Variants in GALNT18 observed in about 807,000 individuals in gnomAD.
GALNT18 encodes GalNAc-transferase 18.
In GALNT18, 44 loss-of-function variants were observed where a neutral mutation model predicts 69.5. That is an observed-to-expected ratio of 0.63 (90% CI 0.50 to 0.81). The LOEUF is 0.81. GALNT18 is among the 40% of genes least tolerant of loss of function. The pLI, the probability that GALNT18 is intolerant of heterozygous loss-of-function variation, is 0.00. For missense variants in GALNT18, 715 were observed against 810.0 expected, an observed-to-expected ratio of 0.88 and a Z score of 1.42; for synonymous variants, 364 against 318.2, an observed-to-expected ratio of 1.14 and a Z score of -1.53.
chr11:11,458,418 T>C (rs903666860), intron 1 of GALNT18, among the ~76,000 whole-genome samples: 3 of 152,220 alleles, frequency 2.0e-5, no homozygotes, highest in Non-Finnish European at 1.5e-5. Context: ...AAACTTTTCT[T>C]CCACTCCTGC....
At chr11:11,333,422 T>C (rs2133049986) in intron 7 of GALNT18, among the ~76,000 whole-genome samples, 1 of 152,302 alleles carries the variant, frequency 6.6e-6, no homozygotes, top group Non-Finnish European at 1.5e-5. Context: ...TACATAATCC[T>C]CCTTTACGGA....
Position 11,396,732 on chromosome 11 carries a change from T to C in GALNT18, c.596-17468A>G. ...GGAAGAAGAACAGAGGTGAGAGCTCTGGATCTCTAATCTGCAGTTGATGCT... is the reference window on the plus strand; with the variant it reads ...GGAAGAAGAACAGAGGTGAGAGCTCCGGATCTCTAATCTGCAGTTGATGCT... On this transcript the variant is annotated intron_variant, in intron 3 of 10. Coordinates refer to ENST00000227756, the MANE Select transcript of GALNT18 (RefSeq NM_198516.3). This position sits in a 1 kb window ranked among gnomAD's most constrained non-coding sequence, Gnocchi z 5.2. 6.6e-6 allele frequency among the ~76,000 whole-genome samples: 1 copy of C among 152,150 alleles called. No homozygotes were observed.
rs1436326720 is a variant in GALNT18 at position 11,583,507 on chromosome 11, G to T, written c.235+37852C>A. On this transcript the variant is annotated intron_variant, in intron 1 of 10. Coordinates refer to ENST00000227756, the MANE Select transcript of GALNT18 (RefSeq NM_198516.3). The surrounding 1 kb of genome is among the most constrained non-coding windows in gnomAD (Gnocchi z 4.7). Reference sequence around the variant, plus strand: ...CTAGCTCTGTTTCTGGCTGGAAAGTGCACGAAAGCTGAGTTTAATCAATAA... The same window carrying T: ...CTAGCTCTGTTTCTGGCTGGAAAGTTCACGAAAGCTGAGTTTAATCAATAA... Among the ~76,000 whole-genome samples the T allele has an allele frequency of 1.3e-5, 2 of 152,170 alleles. No individual in the cohort carries two copies. The highest frequency in any genetic ancestry group is 2.9e-5 in the Non-Finnish European group (2 of 68,022).
In GALNT18 at chr11:11,396,644, T is replaced by C. The variant is rs1854336529; in HGVS notation, c.596-17380A>G. Among the ~76,000 whole-genome samples, 1 of 152,082 alleles carries C rather than the reference T, an allele frequency of 6.6e-6. No homozygotes were observed. Among genetic ancestry groups the C allele is most frequent in the African/African-American group, 2.4e-5 (1 of 41,416 alleles). ...ACTCCAGTCTGGGGCAATAGTGTGG[T>C]TGGGGGCAGTAGGGATTAACGCCAC... On this transcript the variant is annotated intron_variant, in intron 3 of 10. Coordinates refer to ENST00000227756, the MANE Select transcript of GALNT18 (RefSeq NM_198516.3). This position sits in a 1 kb window ranked among gnomAD's most constrained non-coding sequence, Gnocchi z 5.2.
rs1345062202 is a variant in GALNT18, at chr11:11,271,171, G to A, written c.1797C>T (p.Thr599=). ...AGGACGCGAGGCTCCTCAGGACGTTGGTGATGCTCCAGTGCTGGCCCGAGC... is the reference window on the plus strand; with the variant it reads ...AGGACGCGAGGCTCCTCAGGACGTTAGTGATGCTCCAGTGCTGGCCCGAGC... ...QKCSGQHWSI[T]NVLRSLAS is the part of the protein sequence containing the mutation. The change falls in exon 11 of 11, where the codon ACC becomes ACT. Residue 599 remains threonine (T), a synonymous_variant. Transcript: ENST00000227756. 1 of 1,613,730 alleles carries A rather than the reference G, an allele frequency of 6.2e-7. No individual in the cohort carries two copies. The highest frequency in any genetic ancestry group is 1.7e-5 in the Admixed American group (1 of 60,010).
chr11:11,507,767 C>T (rs2133908425), intron 1 of GALNT18, among the ~76,000 whole-genome samples: 1 of 152,306 alleles, frequency 6.6e-6, no homozygotes, highest in East Asian at 1.9e-4. Context: ...ACATTTGAGT[C>T]AGTGGACTGG....
intron 2 of GALNT18, among the ~76,000 whole-genome samples, chr11:11,447,686 G>A (rs1855689103): frequency 6.6e-6 from 1 of 152,164 alleles, no homozygotes; most frequent in Non-Finnish European, 1.5e-5. Context: ...AGCCAGCAGG[G>A]AAAATGCCAG....
At chr11:11,485,383 C>T (rs1367006586) in intron 1 of GALNT18, among the ~76,000 whole-genome samples, 1 of 152,138 alleles carries the variant, frequency 6.6e-6, no homozygotes, top group Non-Finnish European at 1.5e-5. Context: ...GCTAGGGTGG[C>T]TCACAGAACT....
chr11:11,308,054 C>A (rs1486578732), intron 9 of GALNT18, among the ~76,000 whole-genome samples: 5 of 152,198 alleles, frequency 3.3e-5, no homozygotes, highest in African/African-American at 1.2e-4. Flanking sequence ...CCTCCCAGTT[C>A]TCATGGAACT....
At chr11:11,473,380 AC>A in intron 1 of GALNT18, among the ~76,000 whole-genome samples, 1 of 152,342 alleles carries the variant, frequency 6.6e-6, no homozygotes, top group East Asian at 1.9e-4. Flanking sequence ...TCTCATTCAA[AC>A]ATTCGAAATG....
intron 3 of GALNT18, among the ~76,000 whole-genome samples, chr11:11,429,249 C>T (rs941203003): frequency 2.0e-5 from 3 of 152,076 alleles, no homozygotes; most frequent in African/African-American, 7.2e-5. Flanking sequence ...TCTCTCTGCC[C>T]ACGGAGACTG....
rs756988569 is a variant in GALNT18, at chr11:11,538,263, G to A, written c.235+83096C>T. On this transcript the variant is annotated intron_variant, in intron 1 of 10. Coordinates refer to ENST00000227756, the MANE Select transcript of GALNT18 (RefSeq NM_198516.3). This position sits in a 1 kb window ranked among gnomAD's most constrained non-coding sequence, Gnocchi z 5.2. The stretch of plus-strand genomic sequence containing the variant: ...TCAAGGTCAGTGTTGCGAACAGCCC[G>A]CCCTGCCACCACCATCCCCAGGGCT... Among the ~76,000 whole-genome samples the A allele has an allele frequency of 1.2e-4, 18 of 152,156 alleles. No homozygotes were observed. The highest frequency in any genetic ancestry group is 2.6e-4 in the Non-Finnish European group (18 of 68,028).
At chr11:11,393,928 G>C (rs1336928865) in intron 3 of GALNT18, among the ~76,000 whole-genome samples, 1 of 152,202 alleles carries the variant, frequency 6.6e-6, no homozygotes, top group Non-Finnish European at 1.5e-5. Flanking sequence ...TCCTGTTTGT[G>C]TTCCTTTCAT....
At position 11,465,442 on chromosome 11, in the gene GALNT18, C is replaced by T. The variant is rs926168806; in HGVS notation, c.236-16506G>A. On this transcript the variant is annotated intron_variant, in intron 1 of 10. Coordinates refer to ENST00000227756, the MANE Select transcript of GALNT18 (RefSeq NM_198516.3). The surrounding 1 kb of genome is among the most constrained non-coding windows in gnomAD (Gnocchi z 5.7). ...TTGAGTGCTGCTCCTCCAGGCTGCA[C>T]GGACGGTGTCACGCTGCCCTCTGAT... Among the ~76,000 whole-genome samples the T allele has an allele frequency of 4.6e-5, 7 of 152,132 alleles. No individual in the cohort carries two copies. The highest frequency in any genetic ancestry group is 2.1e-4 in the South Asian group (1 of 4,826).
intron 1 of GALNT18, among the ~76,000 whole-genome samples, chr11:11,498,384 TG>T (rs1212793289): frequency 6.6e-6 from 1 of 152,126 alleles, no homozygotes; most frequent in Non-Finnish European, 1.5e-5. Context: ...GCAGAGGAAA[TG>T]GGGGCACTCA....
Position 11,621,458 on chromosome 11 carries a change from G to T in GALNT18, c.136C>A (p.Pro46Thr), listed in dbSNP as rs748134086. Residue 46 changes from proline to threonine, a missense_variant, in exon 1 of 11, where the codon CCG becomes ACG. Physicochemically the swap from Pro to Thr is conservative, Grantham distance 38 (BLOSUM62 -1). Transcript: ENST00000227756. This position sits in a 1 kb window ranked among gnomAD's most constrained non-coding sequence, Gnocchi z 9.3. ...TCCTCCAGCTTCTTGTCGGGCGCCG[G>T]CTCCTGCCCCCGCACATACACGCTG... ...IASVYVRGQE[P>T]APDKKLEEDK... 5.4e-5 allele frequency: 87 copies of T among 1,613,978 alleles called. No homozygotes were observed. Among genetic ancestry groups the T allele is most frequent in the Non-Finnish European group, 6.9e-5 (82 of 1,180,012 alleles).
rs564870380 is a variant in GALNT18 at position 11,290,227 on chromosome 11, C to T, written c.1677+2802G>A. On this transcript the variant is annotated intron_variant, in intron 10 of 10. Transcript: ENST00000227756. ...GCTAAGAGGAGACTTTGGGGGCTGA[C>T]GCAGGCTATGAAGACCCCGGGGTCA... 9.1e-4 allele frequency among the ~76,000 whole-genome samples: 139 copies of T among 152,316 alleles called. 1 individual carries two copies. The highest frequency in any genetic ancestry group is 6.8e-3 in the Middle Eastern group (2 of 294).
chr11:11,572,061 T>C (rs914822586), intron 1 of GALNT18, among the ~76,000 whole-genome samples: 1 of 152,196 alleles, frequency 6.6e-6, no homozygotes, highest in Non-Finnish European at 1.5e-5. Context: ...AGATCTGAGG[T>C]GTGGCACAGG....
rs968295920 is a variant in GALNT18 at position 11,338,962 on chromosome 11, G to T, written c.1278+1857C>A. On this transcript the variant is annotated intron_variant, in intron 7 of 10. Coordinates refer to ENST00000227756, the MANE Select transcript of GALNT18 (RefSeq NM_198516.3). The surrounding 1 kb of genome is among the most constrained non-coding windows in gnomAD (Gnocchi z 5.3). The stretch of plus-strand genomic sequence containing the variant: ...AAAAGGTGAAATCCTATAGGTTAAA[G>T]ACCTTAAAATGTCCATTAAATTAAG... Among the ~76,000 whole-genome samples the T allele has an allele frequency of 6.6e-6, 1 of 152,118 alleles. No homozygotes were observed.
Sources: gnomAD v4.1 joint callset for allele counts (sites outside exome capture counted in the v4.1 genomes callset) on GRCh38, gnomAD v4.1.1 for gene constraint, Gnocchi (gnomAD v3.1) non-coding constraint, MANE v1.5 for transcripts, NCBI Gene and HGNC (gene_info 2026-07-23, HGNC 2026-07-21) for gene names.